DLGAP2: variants seen among roughly 807,000 people sequenced by gnomAD.
DLGAP2 encodes DLG associated protein 2.
A neutral mutation model predicts 100.3 loss-of-function variants in DLGAP2; 26 were observed. That is an observed-to-expected ratio of 0.26 (90% CI 0.19 to 0.36). The LOEUF is 0.36. DLGAP2 is among the 10% of genes least tolerant of loss of function. DLGAP2 has a pLI of 1.00. For missense variants in DLGAP2, 1,858 were observed against 1,453.2 expected (o/e 1.28, Z -4.53); for synonymous variants, 886 against 630.1 (o/e 1.41, Z -6.08).
At chr8:931,147 G>A (rs777074502) in intron 2 of DLGAP2, among the ~76,000 whole-genome samples, 9 of 152,184 alleles carry the variant, frequency 5.9e-5, no homozygotes, top group Non-Finnish European at 1.3e-4. Flanking sequence ...GTCAGCTGAA[G>A]TCCAGGCACT....
intron 1 of DLGAP2, among the ~76,000 whole-genome samples, chr8:861,093 G>A (rs927251240): frequency 2.6e-5 from 4 of 152,156 alleles, no homozygotes. Flanking sequence ...GGGCAGTGAG[G>A]TGGGAGGCAG....
intron 6 of DLGAP2, among the ~76,000 whole-genome samples, chr8:1,575,455 T>TTTATTATTATTA (rs56350882): frequency 0.12 from 16,558 of 141,026 alleles, 1,084 homozygotes; most frequent in East Asian, 0.18. Context: ...GAGGATATTC[T>TTTATTATTATTA]TTATTATTAT....
intron 3 of DLGAP2, among the ~76,000 whole-genome samples, chr8:1,261,034 C>T (rs934514825): frequency 1.3e-5 from 2 of 152,216 alleles, no homozygotes; most frequent in African/African-American, 2.4e-5. Context: ...GGGGAGGAAA[C>T]GTGTTCGTTC....
intron 1 of DLGAP2, among the ~76,000 whole-genome samples, chr8:879,754 A>G (rs1410782305): frequency 6.6e-6 from 1 of 152,186 alleles, no homozygotes; most frequent in African/African-American, 2.4e-5. Context: ...TACCCCAAAG[A>G]GTTGATTGCT....
intron 4 of DLGAP2, among the ~76,000 whole-genome samples, chr8:1,516,353 A>G (rs1401219555): frequency 2.0e-4 from 25 of 122,500 alleles, no homozygotes; most frequent in Middle Eastern, 6.5e-3. Context: ...GTGAGTGAAT[A>G]AGGGAGGGAG....
chr8:895,276 C>T (rs1563084048), intron 1 of DLGAP2, among the ~76,000 whole-genome samples: 1 of 152,040 alleles, frequency 6.6e-6, no homozygotes, highest in Non-Finnish European at 1.5e-5. Flanking sequence ...ATATCGGACT[C>T]CATAAGTATA....
rs11989447 is a variant in DLGAP2 at position 1,133,209 on chromosome 8, A to G, written c.74-125642A>G. 5.5e-3 allele frequency among the ~76,000 whole-genome samples: 833 copies of G among 152,322 alleles called. 11 individuals carry two copies. The highest frequency in any genetic ancestry group is 0.019 in the African/African-American group (782 of 41,562). The stretch of plus-strand genomic sequence containing the variant: ...CTTAAGCACTCCTGGGGCCAGCCAG[A>G]TACCTGGCATTTTTCTGAAAAGAAC... On this transcript the variant is annotated intron_variant, in intron 2 of 14. Transcript: ENST00000637795.
At chr8:1,158,088 G>A (rs1190583019) in intron 2 of DLGAP2, among the ~76,000 whole-genome samples, 5 of 152,204 alleles carry the variant, frequency 3.3e-5, no homozygotes, top group Non-Finnish European at 5.9e-5. Flanking sequence ...TGCAGGTTCT[G>A]CCTGAGCATT....
intron 2 of DLGAP2, among the ~76,000 whole-genome samples, chr8:1,166,100 C>T (rs116322526): frequency 1.8e-3 from 280 of 152,356 alleles, no homozygotes; most frequent in African/African-American, 6.2e-3. Context: ...TCTCTCAGGT[C>T]ATGGCACCTT....
At chr8:1,672,224 TTTAA>T (rs1447182439) in intron 10 of DLGAP2, among the ~76,000 whole-genome samples, 8 of 131,802 alleles carry the variant, frequency 6.1e-5, no homozygotes, top group Admixed American at 3.9e-4. Context: ...GTTTTTTATT[TTTAA>T]TTTTTTTTTT....
chr8:1,467,007 A>T (rs1458111244), intron 3 of DLGAP2, among the ~76,000 whole-genome samples: 1 of 151,298 alleles, frequency 6.6e-6, no homozygotes, highest in Non-Finnish European at 1.5e-5. Context: ...TTGAAGCTTC[A>T]AGAAAGTGGG....
intron 4 of DLGAP2, among the ~76,000 whole-genome samples, chr8:1,527,867 GA>G (rs34216259): frequency 7.1e-5 from 10 of 140,934 alleles, no homozygotes; most frequent in East Asian, 4.1e-4. Context: ...TTTTCTGTTT[GA>G]AAAAAAAAAT....
chr8:829,735 A>G (rs1452528175), intron 1 of DLGAP2, among the ~76,000 whole-genome samples: 1 of 152,238 alleles, frequency 6.6e-6, no homozygotes, highest in African/African-American at 2.4e-5. Context: ...TTTACTTTCC[A>G]TATTTTCTAT....
At chr8:1,690,442 C>T (rs982120268) in intron 12 of DLGAP2, among the ~76,000 whole-genome samples, 18 of 152,048 alleles carry the variant, frequency 1.2e-4, no homozygotes, top group African/African-American at 2.9e-4. Flanking sequence ...CGGTGGCTCA[C>T]GCCTGTAATC....
intron 1 of DLGAP2, among the ~76,000 whole-genome samples, chr8:769,925 G>C (rs1821314259): frequency 6.6e-6 from 1 of 152,132 alleles, no homozygotes; most frequent in African/African-American, 2.4e-5. Flanking sequence ...TTCAGCAGCT[G>C]CGGGGGTCAT....
At chr8:1,463,844 A>T (rs1167006424) in intron 3 of DLGAP2, among the ~76,000 whole-genome samples, 1 of 152,174 alleles carries the variant, frequency 6.6e-6, no homozygotes, top group East Asian at 1.9e-4. Flanking sequence ...GTTTGAGCTG[A>T]TTCACAAGCT....
chr8:1,346,576 CCA>C (rs2117094716), intron 3 of DLGAP2, among the ~76,000 whole-genome samples: 1 of 151,016 alleles, frequency 6.6e-6, no homozygotes, highest in Non-Finnish European at 1.5e-5. Context: ...TGTTGAGTTC[CCA>C]TACACATCTG....
intron 2 of DLGAP2, among the ~76,000 whole-genome samples, chr8:948,968 GC>G (rs147216748): frequency 0.021 from 3,134 of 152,080 alleles, 109 homozygotes; most frequent in African/African-American, 0.072. Context: ...GGGCGTGACT[GC>G]CGCCATCTTG....
chr8:841,208 T>C (rs755438706), intron 1 of DLGAP2, among the ~76,000 whole-genome samples: 10 of 152,178 alleles, frequency 6.6e-5, no homozygotes, highest in Non-Finnish European at 1.2e-4. Flanking sequence ...AAGGAATGAA[T>C]TGGTTTATCT....
Sources: allele counts gnomAD v4.1 joint callset (sites outside exome capture counted in the v4.1 genomes callset), GRCh38; gene constraint gnomAD v4.1.1; transcripts MANE v1.5; gene names NCBI Gene and HGNC (gene_info 2026-07-23, HGNC 2026-07-21).